FAT3: variants seen among roughly 807,000 people sequenced by gnomAD.
FAT3 encodes protocadherin Fat 3.
In FAT3, 95 loss-of-function variants were observed where a neutral mutation model predicts 310.2. The observed-to-expected ratio is 0.31, with a 90% CI of 0.26 to 0.36. FAT3 has a LOEUF of 0.36. Ranked by LOEUF, FAT3 falls within the 10% of genes least tolerant of loss-of-function variation. FAT3 has a pLI of 1.00. For synonymous variants in FAT3, 2,314 were observed against 2,192.9 expected, an observed-to-expected ratio of 1.06 and a Z score of -1.54; for missense variants, 5,408 against 5,715.6, an observed-to-expected ratio of 0.95 and a Z score of 1.74.
chr11:92,675,423 G>A (rs1943256129), intron 3 of FAT3, among the ~76,000 whole-genome samples: 1 of 152,158 alleles, frequency 6.6e-6, no homozygotes, highest in Non-Finnish European at 1.5e-5. Context: ...GAAATTTAAA[G>A]CATACCCAAG....
intron 6 of FAT3, among the ~76,000 whole-genome samples, chr11:92,770,077 T>A (rs1048224546): frequency 1.3e-5 from 2 of 152,180 alleles, no homozygotes; most frequent in South Asian, 2.1e-4. Context: ...TCATTTCTAT[T>A]ACAGCTGCTC....
intron 2 of FAT3, among the ~76,000 whole-genome samples, chr11:92,414,180 G>C (rs1247110461): frequency 6.6e-6 from 1 of 152,070 alleles, no homozygotes; most frequent in Non-Finnish European, 1.5e-5. Flanking sequence ...CTTAGGCTTT[G>C]CTTTGAGTTA....
At chr11:92,608,420 C>T (rs1019025518) in intron 3 of FAT3, among the ~76,000 whole-genome samples, 2 of 152,028 alleles carry the variant, frequency 1.3e-5, no homozygotes, top group African/African-American at 4.8e-5. Context: ...TTCATGCTTT[C>T]ATATTGCAAT....
chr11:92,471,100 T>A (rs1403306745), intron 2 of FAT3, among the ~76,000 whole-genome samples: 1 of 152,198 alleles, frequency 6.6e-6, no homozygotes, highest in Admixed American at 6.5e-5. Context: ...GTTGGAGAAT[T>A]TCATATATTT....
chr11:92,677,826 G>A (rs956724954), intron 3 of FAT3, among the ~76,000 whole-genome samples: 2 of 152,178 alleles, frequency 1.3e-5, no homozygotes, highest in African/African-American at 4.8e-5. Context: ...AGCAACAAAA[G>A]CACACATTTA....
At chr11:92,698,290 C>T (rs1266306963) in intron 4 of FAT3, among the ~76,000 whole-genome samples, 1 of 152,196 alleles carries the variant, frequency 6.6e-6, no homozygotes, top group Non-Finnish European at 1.5e-5. Context: ...TGCACATGCA[C>T]ACAAACACAC....
At chr11:92,305,356 G>A (rs1202401666) in intron 1 of FAT3, among the ~76,000 whole-genome samples, 1 of 152,076 alleles carries the variant, frequency 6.6e-6, no homozygotes, top group Non-Finnish European at 1.5e-5. Context: ...AAATGTAGAA[G>A]AAAAGATGGG....
At chr11:92,841,947 A>C (rs926012484) in intron 18 of FAT3, among the ~76,000 whole-genome samples, 1 of 151,976 alleles carries the variant, frequency 6.6e-6, no homozygotes, top group Non-Finnish European at 1.5e-5. Context: ...TAATCATTCC[A>C]CTTAGAGTAC....
chr11:92,445,819 T>C (rs906698559), intron 2 of FAT3, among the ~76,000 whole-genome samples: 1 of 152,100 alleles, frequency 6.6e-6, no homozygotes, highest in Admixed American at 6.6e-5. Context: ...TCTTCAATGA[T>C]GAGAGTGTTC....
At chr11:92,584,325 A>G (rs1473859217) in intron 3 of FAT3, among the ~76,000 whole-genome samples, 1 of 152,070 alleles carries the variant, frequency 6.6e-6, no homozygotes, top group Non-Finnish European at 1.5e-5. Flanking sequence ...GCAAAGATCT[A>G]TTCTTCATAT....
intron 20 of FAT3, 86 bp from the exon 21 acceptor site, chr11:92,859,079 G>T (rs780309099): frequency 3.8e-6 from 5 of 1,310,284 alleles, no homozygotes; most frequent in South Asian, 3.3e-5. Flanking sequence ...AATCAACTTG[G>T]TTGGTGGTTG....
chr11:92,370,756 T>G (rs1248762286), intron 2 of FAT3, among the ~76,000 whole-genome samples: 1 of 152,210 alleles, frequency 6.6e-6, no homozygotes, highest in Admixed American at 6.5e-5. Context: ...GGTCACTAAA[T>G]TCTTGTGTTT....
At position 92,893,053 on chromosome 11, in the gene FAT3, G is replaced by C. The variant is rs1466063723; in HGVS notation, c.*1940G>C. Reference sequence around the variant, plus strand: ...GACATATGGCATTGGTGTGTAAATTGTACTGTCCCTAGTCTGTGCATTATT... The same window carrying C: ...GACATATGGCATTGGTGTGTAAATTCTACTGTCCCTAGTCTGTGCATTATT... On this transcript the variant is annotated 3_prime_UTR_variant, in exon 28 of 28. Transcript: ENST00000525166. 1 of 152,012 alleles carries C rather than the reference G, an allele frequency of 6.6e-6. No homozygotes were observed. The highest frequency in any genetic ancestry group is 2.4e-5 in the African/African-American group (1 of 41,388). 9.4% of individuals were successfully genotyped at this position (152,012 alleles called of 1,614,324 possible).
At chr11:92,506,540 A>T (rs1488037746) in intron 2 of FAT3, among the ~76,000 whole-genome samples, 2 of 152,180 alleles carry the variant, frequency 1.3e-5, no homozygotes, top group Non-Finnish European at 2.9e-5. Flanking sequence ...ACAATTTTTA[A>T]ATAGTATGTT....
chr11:92,271,770 T>C (rs947793030), intron 1 of FAT3, among the ~76,000 whole-genome samples: 6 of 152,154 alleles, frequency 3.9e-5, no homozygotes, highest in African/African-American at 1.4e-4. Context: ...GTAAATTGGG[T>C]TTGCCCCATT....
At chr11:92,857,936 T>G (rs186321745) in intron 20 of FAT3, among the ~76,000 whole-genome samples, 1 of 152,328 alleles carries the variant, frequency 6.6e-6, no homozygotes, top group Non-Finnish European at 1.5e-5. Context: ...GTTTCTGATC[T>G]TCATTCAATT....
intron 2 of FAT3, among the ~76,000 whole-genome samples, chr11:92,415,371 G>C (rs148737399): frequency 1.3e-5 from 2 of 152,282 alleles, no homozygotes; most frequent in East Asian, 3.9e-4. Context: ...CTAGATGTTT[G>C]TGTGTTCTTG....
chr11:92,779,731 G>A (rs1259440698), intron 7 of FAT3, among the ~76,000 whole-genome samples: 3 of 152,128 alleles, frequency 2.0e-5, no homozygotes, highest in Non-Finnish European at 4.4e-5. Context: ...GATGTGATTA[G>A]GGTATAAATC....
At chr11:92,590,607 G>T (rs1244285212) in intron 3 of FAT3, among the ~76,000 whole-genome samples, 1 of 152,090 alleles carries the variant, frequency 6.6e-6, no homozygotes, top group Non-Finnish European at 1.5e-5. Flanking sequence ...CTGACCAAAT[G>T]TAAAGAGGCT....
Sources: allele counts gnomAD v4.1 joint callset (sites outside exome capture counted in the v4.1 genomes callset), GRCh38; gene constraint gnomAD v4.1.1; transcripts MANE v1.5; gene names NCBI Gene and HGNC (gene_info 2026-07-23, HGNC 2026-07-21).